ZNF433: variants seen among roughly 807,000 people sequenced by gnomAD.
ZNF433 encodes zinc finger protein 433.
A neutral mutation model predicts 10.6 loss-of-function variants in ZNF433; 12 were observed. The ratio of observed to expected loss-of-function variants is 1.13; its 90% CI spans 0.72 to 1.83. The LOEUF (loss-of-function observed/expected upper bound fraction) is 1.83. ZNF433 is among the 40% of genes most tolerant of loss of function. The pLI is 0.00. For synonymous variants in ZNF433, 272 were observed against 271.3 expected (o/e 1.00, Z -0.02); for missense variants, 737 against 798.0 (o/e 0.92, Z 0.92).
chr19:12,031,317 A>AAAAAAAAAAAAC lies in ZNF433; in HGVS notation c.3+4219_3+4220insGTTTTTTTTTTT, dbSNP rs1568342004. Among the ~76,000 whole-genome samples the AAAAAAAAAAAAC allele has an allele frequency of 2.2e-3, 256 of 116,916 alleles. 4 individuals are homozygous for AAAAAAAAAAAAC. Among genetic ancestry groups the AAAAAAAAAAAAC allele is most frequent in the African/African-American group, 8.3e-3 (146 of 17,594 alleles). 76.7% of individuals were successfully genotyped at this position (116,916 alleles called of 152,430 possible). On this transcript the variant is annotated intron_variant, in intron 1 of 3. Transcript: ENST00000550507. ...CTCAAAAAAAAAAAAAAAACAAAAC[A>AAAAAAAAAAAAC]AAAAAAAAAACAAAGCAGCTGACCA...
At chr19:12,025,055 A>G (rs1974671372) in intron 1 of ZNF433, 1 of 152,202 alleles carries the variant, frequency 6.6e-6, no homozygotes, top group Non-Finnish European at 1.5e-5. Flanking sequence ...ATTTAAACCA[A>G]TTGAAGGTAC....
chr19:12,025,159 A>C (rs1974676125), intron 1 of ZNF433: 1 of 152,206 alleles, frequency 6.6e-6, no homozygotes, highest in Non-Finnish European at 1.5e-5. Context: ...CTTCGGCTCA[A>C]AAAGCAAGAG....
rs1038503506 is a variant in ZNF433, at chr19:12,015,283, G to T, written c.1575C>A (p.His525Gln). The change falls in exon 4 of 4, where the codon CAC (histidine) becomes CAA (glutamine). Residue 525 changes from histidine (H) to glutamine (Q), a missense_variant. Physicochemically the swap from His to Gln is conservative, Grantham distance 24 (BLOSUM62 0). Transcript: ENST00000550507. ...SSSFRYHGRTHTGEKPYECKQ... is the reference protein window; with the variant it reads ...SSSFRYHGRTQTGEKPYECKQ... ...TGCATTCATAGGGTTTCTCTCCAGT[G>T]TGAGTCCTTCCATGATATCGAAAGG... 1.1e-5 allele frequency: 17 copies of T among 1,614,120 alleles called. No individual in the cohort carries two copies. Among genetic ancestry groups the T allele is most frequent in the Non-Finnish European group, 1.4e-5 (17 of 1,180,032 alleles).
At chr19:12,021,972 C>T (rs145000964) in intron 1 of ZNF433, 4 of 456,752 alleles carry the variant, frequency 8.8e-6, no homozygotes, top group Non-Finnish European at 1.8e-5. Context: ...TACTGGCTGC[C>T]AATTCAACCG....
Position 12,016,153 on chromosome 19 carries a change from A to G in ZNF433, c.705T>C (p.Ser235=). ...CKQCGKAFSH[S]SSLRIHERTH... ...TTCTTTCATGTATTCGAAGGCTACTAGAATGACTAAAGGCTTTACCACACT... is the reference window on the plus strand; with the variant it reads ...TTCTTTCATGTATTCGAAGGCTACTGGAATGACTAAAGGCTTTACCACACT... The change falls in exon 4 of 4, where the codon TCT becomes TCC. Residue 235 remains serine, a synonymous_variant. Coordinates refer to ENST00000550507, the MANE Select transcript of ZNF433 (RefSeq NM_001308348.2). The G allele has an allele frequency of 6.2e-7, 1 of 1,613,980 alleles. No homozygotes were observed. Among genetic ancestry groups the G allele is most frequent in the South Asian group, 1.1e-5 (1 of 91,066 alleles).
chr19:12,031,294 C>CAAAAAAAAA (rs536658747), intron 1 of ZNF433, among the ~76,000 whole-genome samples: 1 of 36,486 alleles, frequency 2.7e-5, no homozygotes, highest in African/African-American at 1.3e-4. Flanking sequence ...GACTCCATCT[C>CAAAAAAAAA]AAAAAAAAAA....
chr19:12,033,189 G>T (rs867823549), intron 1 of ZNF433, among the ~76,000 whole-genome samples: 1 of 152,028 alleles, frequency 6.6e-6, no homozygotes, highest in Non-Finnish European at 1.5e-5. Flanking sequence ...CACCTCCCAG[G>T]TCCAAGCAAT....
intron 1 of ZNF433, chr19:12,023,712 A>G (rs1974606488): frequency 6.6e-6 from 1 of 152,078 alleles, no homozygotes; most frequent in African/African-American, 2.4e-5. Flanking sequence ...TATATCAAAG[A>G]ATCTGTATTT....
At position 12,014,949 on chromosome 19, in the gene ZNF433, G is replaced by A; in HGVS notation, c.1909C>T (p.His637Tyr). 9 of 1,614,018 alleles carry A rather than the reference G, an allele frequency of 5.6e-6. No individual in the cohort carries two copies. The highest frequency in any genetic ancestry group is 7.6e-6 in the Non-Finnish European group (9 of 1,179,960). The stretch of plus-strand genomic sequence containing the variant: ...CATTTATAGGGTTTCTCTCCAGTGT[G>A]AGTCCTTCCATGCCTTCGAAGGTTT... ...PSNLRRHGRTHTGEKPYKCNQ... is the reference protein window; with the variant it reads ...PSNLRRHGRTYTGEKPYKCNQ... Residue 637 changes from histidine (H) to tyrosine (Y), a missense_variant, in exon 4 of 4, where the codon CAC becomes TAC. His to Tyr is a moderately conservative substitution (Grantham distance 83, BLOSUM62 2). Coordinates refer to ENST00000550507, the MANE Select transcript of ZNF433 (RefSeq NM_001308348.2).
chr19:12,024,752 G>A (rs1974658210), intron 1 of ZNF433: 1 of 152,208 alleles, frequency 6.6e-6, no homozygotes. Flanking sequence ...GCAGGACTTA[G>A]TAGAATGGCT....
At chr19:12,032,634 C>T (rs1182397890) in intron 1 of ZNF433, among the ~76,000 whole-genome samples, 1 of 151,898 alleles carries the variant, frequency 6.6e-6, no homozygotes, top group African/African-American at 2.4e-5. Context: ...TAGGCATGCA[C>T]CACTATACTC....
Position 12,018,215 on chromosome 19 carries a change from A to T in ZNF433, c.81T>A (p.Asn27Lys). 1.2e-6 allele frequency: 2 copies of T among 1,612,380 alleles called. No homozygotes were observed. The highest frequency in any genetic ancestry group is 1.7e-6 in the Non-Finnish European group (2 of 1,179,400). ...EWALLDPSQK[N>K]LCRDVMQETF... ...TTTCTTGCATCACATCTCTACAGAG[A>T]TTTTTCTGGGAAGGATCCAGCAAAG... Residue 27 changes from asparagine to lysine, a missense_variant, in exon 2 of 4, where the codon AAT becomes AAA. Asn to Lys is a moderately conservative substitution (Grantham distance 94). Transcript: ENST00000550507.
In ZNF433 at chr19:12,015,346, T is replaced by C. The variant is rs761379393; in HGVS notation, c.1512A>G (p.Glu504=). Residue 504 remains glutamate (E), a synonymous_variant, in exon 4 of 4, where the codon GAA becomes GAG. Coordinates refer to ENST00000550507, the MANE Select transcript of ZNF433 (RefSeq NM_001308348.2). ...TGAAGGATCTGCCACACTGCTTGCA[T>C]TCATAGGTTTTTCCTCCAGTGTGAG... The part of the protein sequence containing the change: ...ERTHTGGKTY[E]CKQCGRSFNC... 3.3e-5 allele frequency: 53 copies of C among 1,613,946 alleles called. No homozygotes were observed. The highest frequency in any genetic ancestry group is 6.7e-5 in the Admixed American group (4 of 59,976).
In ZNF433 at chr19:12,017,907, C is replaced by T. The variant is rs372514529; in HGVS notation, c.160G>A (p.Val54Ile). The change falls in exon 3 of 4, where the codon GTA (valine) becomes ATA (isoleucine). Residue 54 changes from valine to isoleucine, a missense_variant. Val to Ile is a conservative substitution (Grantham distance 29, BLOSUM62 3). Transcript: ENST00000550507. ...GKKWKPQNIY[V>I]EYENLRRNLR... ...TTTCTCCTTAGATTTTCGTACTCTA[C>T]ATATATGTTCTGGGGTTTCCATTTT... 6.3e-7 allele frequency: 1 copy of T among 1,594,418 alleles called. No individual in the cohort carries two copies. The highest frequency in any genetic ancestry group is 8.5e-7 in the Non-Finnish European group (1 of 1,174,566).
At chr19:12,017,770 T>C in intron 3 of ZNF433, 106 bp downstream of exon 3, 1 of 787,222 alleles carries the variant, frequency 1.3e-6, no homozygotes, top group Non-Finnish European at 2.0e-6. Context: ...AATAAATAGA[T>C]TGAAATTGTG....
At chr19:12,034,433 C>T (rs56212619) in intron 1 of ZNF433, 2,411 of 171,944 alleles carry the variant, frequency 0.014, 48 homozygotes, top group African/African-American at 0.044. Flanking sequence ...CTTCACTATA[C>T]CTGGACAGGC....
In ZNF433 at chr19:12,015,209, C is replaced by G. The variant is rs139741858; in HGVS notation, c.1649G>C (p.Gly550Ala). 2.4e-4 allele frequency: 379 copies of G among 1,612,672 alleles called. 1 individual carries two copies. In the East Asian group the frequency reaches 8.0e-3, roughly 34 times the overall value. ...AGGTTTCTCTCCAGTGTGAGTCCTTCCATGAATTTGAAGCTGTGAGGCAGA... is the reference window on the plus strand; with the variant it reads ...AGGTTTCTCTCCAGTGTGAGTCCTTGCATGAATTTGAAGCTGTGAGGCAGA... ...FRSASQLQIH[G>A]RTHTGEKPYE... The change falls in exon 4 of 4, where the codon GGA becomes GCA. Residue 550 changes from glycine to alanine, a missense_variant. Gly to Ala is a moderately conservative substitution (Grantham distance 60). Transcript: ENST00000550507.
At chr19:12,034,030 T>C (rs891797999) in intron 1 of ZNF433, among the ~76,000 whole-genome samples, 10 of 152,150 alleles carry the variant, frequency 6.6e-5, no homozygotes, top group Admixed American at 4.6e-4. Flanking sequence ...TGGGGAGTGT[T>C]GAAAATTTTG....
rs1050952548 is a variant in ZNF433, at chr19:12,020,919, A to T, written c.4-2627T>A. Among the ~76,000 whole-genome samples the T allele has an allele frequency of 4.0e-4, 59 of 148,608 alleles. 1 individual carries two copies. Among genetic ancestry groups the T allele is most frequent in the East Asian group, 3.0e-3 (15 of 5,056 alleles). ...ACTCTGTCTCAAAAACAAAAATATA[A>T]AAAAAAAAAAACAGCACTAAGCTAC... On this transcript the variant is annotated intron_variant, in intron 1 of 3. Transcript: ENST00000550507.
Sources: allele counts gnomAD v4.1 joint callset (sites outside exome capture counted in the v4.1 genomes callset), GRCh38; gene constraint gnomAD v4.1.1; transcripts MANE v1.5; gene names NCBI Gene and HGNC (gene_info 2026-07-23, HGNC 2026-07-21).